The following NKAIN2 variants were observed in gnomAD, a reference collection of about 807,000 sequenced individuals.
The protein encoded by NKAIN2 is sodium/potassium-transporting ATPase subunit beta-1-interacting protein 2.
In NKAIN2, 14 loss-of-function variants were observed where a neutral mutation model predicts 32.6. The observed-to-expected ratio is 0.43, with a 90% CI of 0.28 to 0.67. NKAIN2 has a LOEUF of 0.67. Ranked by LOEUF, NKAIN2 falls within the 30% of genes least tolerant of loss-of-function variation. NKAIN2 has a pLI of 0.17. For missense variants in NKAIN2, 198 were observed against 258.3 expected (o/e 0.77, Z 1.60); for synonymous variants, 80 against 87.2 (o/e 0.92, Z 0.46).
intron 1 of NKAIN2, among the ~76,000 whole-genome samples, chr6:124,167,568 G>A (rs1047495273): frequency 7.9e-5 from 12 of 152,170 alleles, no homozygotes; most frequent in African/African-American, 2.9e-4. Flanking sequence ...GAATAGGAGT[G>A]GCGAGAGAGG....
intron 1 of NKAIN2, among the ~76,000 whole-genome samples, chr6:124,127,794 G>T (rs540955931): frequency 2.0e-4 from 31 of 152,030 alleles, no homozygotes; most frequent in African/African-American, 7.5e-4. Context: ...GAGACAGAAG[G>T]CCCCATCAGG....
chr6:124,594,983 G>A (rs1381028858), intron 3 of NKAIN2, among the ~76,000 whole-genome samples: 1 of 152,148 alleles, frequency 6.6e-6, no homozygotes, highest in Middle Eastern at 3.2e-3. Context: ...TCAGTGAAGT[G>A]GGAGTCAGAG....
intron 1 of NKAIN2, among the ~76,000 whole-genome samples, chr6:123,984,333 T>A (rs545623032): frequency 5.5e-4 from 84 of 152,286 alleles, no homozygotes; most frequent in African/African-American, 1.9e-3. Flanking sequence ...AATTTTTGCA[T>A]ATACTTTTAT....
chr6:124,273,499 G>C (rs1794897049), intron 1 of NKAIN2, among the ~76,000 whole-genome samples: 1 of 152,166 alleles, frequency 6.6e-6, no homozygotes, highest in Non-Finnish European at 1.5e-5. Flanking sequence ...GTCTCAGGTA[G>C]TATCTTTATA....
At chr6:123,855,477 C>A (rs1775522345) in intron 1 of NKAIN2, among the ~76,000 whole-genome samples, 2 of 150,472 alleles carry the variant, frequency 1.3e-5, no homozygotes, top group African/African-American at 4.8e-5. Context: ...TGCAAATTGA[C>A]CCAGAAGTGA....
intron 5 of NKAIN2, among the ~76,000 whole-genome samples, chr6:124,798,003 ACCTTCCTTCCTT>A (rs753284861): frequency 1.3e-5 from 2 of 151,274 alleles, no homozygotes; most frequent in African/African-American, 2.4e-5. Context: ...CTGCCTTCTT[ACCTTCCTTCCTT>A]CCTTCCTTCC....
intron 1 of NKAIN2, among the ~76,000 whole-genome samples, chr6:124,003,358 T>C (rs1256057197): frequency 6.6e-6 from 1 of 152,172 alleles, no homozygotes; most frequent in African/African-American, 2.4e-5. Flanking sequence ...ACTCTTTCCA[T>C]GGCTATATAT....
intron 1 of NKAIN2, among the ~76,000 whole-genome samples, chr6:123,882,326 C>T (rs141702220): frequency 3.3e-5 from 5 of 152,140 alleles, no homozygotes; most frequent in African/African-American, 7.2e-5. Flanking sequence ...TGGCATGAGT[C>T]GCTTTACATC....
At chr6:124,378,929 A>ATTT (rs538033796) in intron 3 of NKAIN2, among the ~76,000 whole-genome samples, 31 of 139,116 alleles carry the variant, frequency 2.2e-4, no homozygotes, top group Middle Eastern at 7.7e-3. Flanking sequence ...CTGACTCTAC[A>ATTT]TTTTTTTTTT....
Position 123,913,707 on chromosome 6 carries a change from A to C in NKAIN2, c.54+109453A>C, listed in dbSNP as rs141382727. Among the ~76,000 whole-genome samples, 133 of 152,270 alleles carry C rather than the reference A, an allele frequency of 8.7e-4. 1 individual carries two copies. Among genetic ancestry groups the C allele is most frequent in the African/African-American group, 3.0e-3 (126 of 41,568 alleles). ...TTATTTGTATCCTGAGATTTATATC[A>C]AACTTTTACCTAATTACCAGATTTT... On this transcript the variant is annotated intron_variant, in intron 1 of 6. Transcript: ENST00000368417.
At chr6:124,170,112 T>G (rs1788771237) in intron 1 of NKAIN2, among the ~76,000 whole-genome samples, 2 of 152,156 alleles carry the variant, frequency 1.3e-5, no homozygotes, top group Admixed American at 1.3e-4. Flanking sequence ...TCTATTCCTG[T>G]AAATCCTCAC....
chr6:124,762,468 C>A (rs1778316230), intron 4 of NKAIN2, among the ~76,000 whole-genome samples: 1 of 152,076 alleles, frequency 6.6e-6, no homozygotes, highest in Admixed American at 6.6e-5. Flanking sequence ...GGGCACAATT[C>A]ACTTTATAAA....
intron 4 of NKAIN2, among the ~76,000 whole-genome samples, chr6:124,779,898 A>C (rs994487075): frequency 3.9e-5 from 6 of 152,214 alleles, no homozygotes; most frequent in African/African-American, 1.4e-4. Flanking sequence ...ATGAGCAAAA[A>C]TGAATGGTTG....
At chr6:123,896,260 C>A (rs1774274890) in intron 1 of NKAIN2, among the ~76,000 whole-genome samples, 1 of 152,274 alleles carries the variant, frequency 6.6e-6, no homozygotes, top group Admixed American at 6.5e-5. Context: ...CAACAGAATC[C>A]TGTGACATAG....
At chr6:124,733,347 C>A (rs1287950793) in intron 4 of NKAIN2, among the ~76,000 whole-genome samples, 3 of 151,538 alleles carry the variant, frequency 2.0e-5, no homozygotes, top group Non-Finnish European at 4.4e-5. Flanking sequence ...TGGAAGAGCC[C>A]AGTAAATAAT....
At chr6:123,902,874 A>G (rs1233652587) in intron 1 of NKAIN2, among the ~76,000 whole-genome samples, 1 of 152,230 alleles carries the variant, frequency 6.6e-6, no homozygotes, top group Non-Finnish European at 1.5e-5. Context: ...AGTAGAGTGA[A>G]TAATATGAAT....
chr6:124,774,457 G>C (rs148855586), intron 4 of NKAIN2, among the ~76,000 whole-genome samples: 49 of 152,252 alleles, frequency 3.2e-4, no homozygotes, highest in Non-Finnish European at 4.3e-4. Context: ...TTAGGGAGTA[G>C]AGCAGGATTG....
At chr6:124,032,809 G>A (rs1186255213) in intron 1 of NKAIN2, among the ~76,000 whole-genome samples, 1 of 151,858 alleles carries the variant, frequency 6.6e-6, no homozygotes. Context: ...GTATTGATCT[G>A]TTCCTTCATT....
chr6:124,180,507 C>T (rs1234010058), intron 1 of NKAIN2, among the ~76,000 whole-genome samples: 1 of 152,072 alleles, frequency 6.6e-6, no homozygotes. Context: ...AGCTACAATT[C>T]AAGATGAGAT....
Sources: gnomAD v4.1 joint callset for allele counts (sites outside exome capture counted in the v4.1 genomes callset) on GRCh38, gnomAD v4.1.1 for gene constraint, MANE v1.5 for transcripts, NCBI Gene and HGNC (gene_info 2026-07-23, HGNC 2026-07-21) for gene names.